The following LSM1 variants were observed in gnomAD, a reference collection of about 807,000 sequenced individuals.
The protein encoded by LSM1 is U6 snRNA-associated Sm-like protein LSm1.
LSM1 carries 13 observed loss-of-function variants against 18.0 expected under a neutral mutation model. The observed-to-expected ratio is 0.72, with a 90% confidence interval of 0.47 to 1.15. The LOEUF is 1.15. Among genes scored for constraint, LSM1 ranks in the 50% most tolerant of loss-of-function variants. The pLI is 0.00. For missense variants in LSM1, 152 were observed against 157.7 expected (o/e 0.96, Z 0.19); for synonymous variants, 46 against 56.0 (o/e 0.82, Z 0.80).
intron 3 of LSM1, among the ~76,000 whole-genome samples, chr8:38,164,989 A>C (rs1343409367): frequency 6.6e-6 from 1 of 152,172 alleles, no homozygotes; most frequent in African/African-American, 2.4e-5. Flanking sequence ...TTCTAGGGAG[A>C]ACCTCGGCAG....
intron 1 of LSM1, 68 bp downstream of exon 1, chr8:38,176,207 G>C: frequency 7.1e-7 from 1 of 1,410,496 alleles, no homozygotes; most frequent in South Asian, 1.2e-5. Context: ...AAGCTTCTTC[G>C]GAAGAGGCGC....
chr8:38,173,322 T>C (rs1803061114), intron 1 of LSM1, among the ~76,000 whole-genome samples: 1 of 150,304 alleles, frequency 6.7e-6, no homozygotes, highest in African/African-American at 2.5e-5. Flanking sequence ...GTATCAGAGT[T>C]GGACCTTAAA....
intron 3 of LSM1, among the ~76,000 whole-genome samples, chr8:38,164,881 C>T (rs949262336): frequency 6.6e-6 from 1 of 152,146 alleles, no homozygotes; most frequent in East Asian, 1.9e-4. Flanking sequence ...GCCTTTACCT[C>T]CTACGTAGCT....
Position 38,163,739 on chromosome 8 carries a change from C to T in LSM1, c.333G>A (p.Lys111=), listed in dbSNP as rs1045345664. The change falls in exon 4 of 4, where the codon AAG becomes AAA. Residue 111 remains lysine (K), a synonymous_variant. Transcript: ENST00000311351. ...VEQQTKLEAE[K]LKVQALKDRG... ...GGTCCTTCAGGGCCTGCACTTTCAACTTCTCTGCTTCCAGCTTGGTCTGCT... is the reference window on the plus strand; with the variant it reads ...GGTCCTTCAGGGCCTGCACTTTCAATTTCTCTGCTTCCAGCTTGGTCTGCT... The T allele has an allele frequency of 1.1e-5, 18 of 1,614,190 alleles. No individual in the cohort carries two copies. Among genetic ancestry groups the T allele is most frequent in the Non-Finnish European group, 1.4e-5 (16 of 1,180,028 alleles).
At chr8:38,176,601 C>T (rs1803152721), upstream of LSM1, 1 of 566,840 alleles carries the variant, frequency 1.8e-6, no homozygotes, top group Non-Finnish European at 3.1e-6. Context: ...TAAGAGGAAA[C>T]TCCATTGGAT....
At chr8:38,172,190 G>A (rs2843738) in intron 1 of LSM1, among the ~76,000 whole-genome samples, 157 bp from the exon 2 acceptor site, 9 of 151,938 alleles carry the variant, frequency 5.9e-5, no homozygotes, top group South Asian at 2.1e-4. Flanking sequence ...GCACAGCAAC[G>A]CGGATTTAGA....
rs1803149373 is a variant in LSM1 at position 38,176,490 on chromosome 8, T to C, written c.-170A>G. ...CCGGGGGCTGCCGGAAGCTCCTCCA[T>C]ATTACCCTTACCCACTTCCTGTAAC... On this transcript the variant is annotated 5_prime_UTR_variant, in exon 1 of 4. It adds an upstream start codon to the 5' untranslated region. Transcript: ENST00000311351. 1 of 613,722 alleles carries C rather than the reference T, an allele frequency of 1.6e-6. No homozygotes were observed. Among genetic ancestry groups the C allele is most frequent in the Non-Finnish European group, 2.9e-6 (1 of 346,912 alleles). The allele number at this position is 613,722 out of a possible 1,614,324, so 38.0% of individuals were successfully genotyped here.
rs1241604595 is a variant in LSM1 at position 38,175,667 on chromosome 8, TA to T, written c.46+607del. ...TAGTAAAAGCAAAAGTAAATTGTCT[TA>T]AAAAAAAAAAAAAGGTTGCAAGTGA... On this transcript the variant is annotated intron_variant, in intron 1 of 3. Coordinates refer to ENST00000311351, the MANE Select transcript of LSM1 (RefSeq NM_014462.3). The T allele has an allele frequency of 4.4e-3, 603 of 138,588 alleles. 1 individual carries two copies. Among genetic ancestry groups the T allele is most frequent in the African/African-American group, 4.6e-3 (175 of 37,794 alleles). The allele number at this position is 138,588 out of a possible 1,614,324, so 8.6% of individuals were successfully genotyped here. A position where few individuals can be genotyped will look rare whatever the true frequency, so the allele number is the denominator to read the frequency against.
chr8:38,173,898 C>T (rs1369703188), intron 1 of LSM1, among the ~76,000 whole-genome samples: 2 of 152,086 alleles, frequency 1.3e-5, no homozygotes, highest in African/African-American at 4.8e-5. Context: ...ACATGTAATC[C>T]AAGTGACCAT....
intron 3 of LSM1, among the ~76,000 whole-genome samples, chr8:38,167,812 G>A (rs1802961321): frequency 1.3e-5 from 2 of 152,184 alleles, no homozygotes; most frequent in South Asian, 4.2e-4. Flanking sequence ...TACTTGGGAG[G>A]CTGAGACAGG....
chr8:38,167,945 T>A (rs559360494), intron 3 of LSM1, among the ~76,000 whole-genome samples: 1 of 151,654 alleles, frequency 6.6e-6, no homozygotes, highest in East Asian at 2.0e-4. Flanking sequence ...ATGGGTACCA[T>A]GGTACTAGGT....
Position 38,172,303 on chromosome 8 carries a change from GT to G in LSM1, c.47-271del, listed in dbSNP as rs796403624. ...TAGCTGGCTCTAGACCCTTATGTTGGTTTTTTTTTTTTCCTTTTTTCTTTTT... is the reference window on the plus strand; with the variant it reads ...TAGCTGGCTCTAGACCCTTATGTTGGTTTTTTTTTTTCCTTTTTTCTTTTT... On this transcript the variant is annotated intron_variant, in intron 1 of 3. Coordinates refer to ENST00000311351, the MANE Select transcript of LSM1 (RefSeq NM_014462.3). Among the ~76,000 whole-genome samples, 338 of 140,808 alleles carry G rather than the reference GT, an allele frequency of 2.4e-3. 1 individual carries two copies. In the Middle Eastern group the frequency reaches 0.025, roughly 10 times the overall value. 92.4% of individuals were successfully genotyped at this position (140,808 alleles called of 152,430 possible). A position where few individuals can be genotyped will look rare whatever the true frequency, so the allele number is the denominator to read the frequency against.
chr8:38,163,726 C>A lies in LSM1; in HGVS notation c.346G>T (p.Ala116Ser), dbSNP rs758491210. 6.2e-7 allele frequency: 1 copy of A among 1,614,130 alleles called. No individual in the cohort carries two copies. Among genetic ancestry groups the A allele is most frequent in the South Asian group, 1.1e-5 (1 of 91,064 alleles). ...KLEAEKLKVQ[A>S]LKDRGLSIPR... is the part of the protein sequence containing the mutation. Reference sequence around the variant, plus strand: ...ATGGAAAGACCTCGGTCCTTCAGGGCCTGCACTTTCAACTTCTCTGCTTCC... The same window carrying A: ...ATGGAAAGACCTCGGTCCTTCAGGGACTGCACTTTCAACTTCTCTGCTTCC... Residue 116 changes from alanine to serine, a missense_variant, in exon 4 of 4, where the codon GCC becomes TCC. Physicochemically the swap from Ala to Ser is moderately conservative, Grantham distance 99. Coordinates refer to ENST00000311351, the MANE Select transcript of LSM1 (RefSeq NM_014462.3).
chr8:38,168,591 C>CAAAAAAA (rs34880510), intron 3 of LSM1, among the ~76,000 whole-genome samples: 1 of 100,484 alleles, frequency 1.0e-5, no homozygotes, highest in Non-Finnish European at 2.2e-5. Flanking sequence ...AACTCTGTCC[C>CAAAAAAA]AAAAAAAAAA....
intron 2 of LSM1, chr8:38,171,044 T>A (rs768357945): frequency 7.1e-6 from 3 of 423,498 alleles, no homozygotes; most frequent in South Asian, 5.0e-5. Context: ...ATCTTTTAAC[T>A]TAAGAAAAAT....
In LSM1 at chr8:38,163,633, C is replaced by A; in HGVS notation, c.*37G>T. 4 of 1,600,678 alleles carry A rather than the reference C, an allele frequency of 2.5e-6. No homozygotes were observed. Among genetic ancestry groups the A allele is most frequent in the Non-Finnish European group, 2.6e-6 (3 of 1,169,142 alleles). ...ATGTCACTTTCACTCAGTGACAGCCCCTACTCTTCAAGAGCCAACAGCCTC... is the reference window on the plus strand; with the variant it reads ...ATGTCACTTTCACTCAGTGACAGCCACTACTCTTCAAGAGCCAACAGCCTC... On this transcript the variant is annotated 3_prime_UTR_variant, in exon 4 of 4. Transcript: ENST00000311351.
At chr8:38,173,735 A>C (rs977893065) in intron 1 of LSM1, among the ~76,000 whole-genome samples, 1 of 152,252 alleles carries the variant, frequency 6.6e-6, no homozygotes, top group African/African-American at 2.4e-5. Flanking sequence ...CTATCAGGAC[A>C]CTTAATAGAA....
chr8:38,164,789 A>G (rs984637599), intron 3 of LSM1, among the ~76,000 whole-genome samples: 1 of 152,050 alleles, frequency 6.6e-6, no homozygotes, highest in East Asian at 1.9e-4. Flanking sequence ...TGAGCCATGA[A>G]TGTGTCACTG....
intron 1 of LSM1, among the ~76,000 whole-genome samples, chr8:38,174,220 G>C (rs558902712): frequency 5.3e-5 from 8 of 151,976 alleles, no homozygotes; most frequent in Admixed American, 5.2e-4. Context: ...TGAAGAGAAC[G>C]GAGAAAATAT....
Sources: gnomAD v4.1 joint callset for allele counts (sites outside exome capture counted in the v4.1 genomes callset) on GRCh38, gnomAD v4.1.1 for gene constraint, MANE v1.5 for transcripts, NCBI Gene and HGNC (gene_info 2026-07-23, HGNC 2026-07-21) for gene names.